Variants in UPP2 observed in about 807,000 individuals in gnomAD.
UPP2 encodes uridine phosphorylase 2, also known as UPase 2.
UPP2 carries 23 observed loss-of-function variants against 26.7 expected under a neutral mutation model. The ratio of observed to expected loss-of-function variants is 0.86; its 90% CI spans 0.62 to 1.22. The LOEUF is 1.22. UPP2 is among the 50% of genes most tolerant of loss of function. The pLI is 0.00. For missense variants in UPP2, 387 were observed against 396.7 expected (o/e 0.98, Z 0.21); for synonymous variants, 127 against 141.3 (o/e 0.90, Z 0.72).
At chr2:158,124,624 C>T (rs371040253) in intron 6 of UPP2, among the ~76,000 whole-genome samples, 19 of 152,258 alleles carry the variant, frequency 1.2e-4, no homozygotes, top group African/African-American at 4.1e-4. Flanking sequence ...AGAAGGCGAA[C>T]GCAGTAGTCT....
At chr2:158,090,665 C>G (rs1302834143) in intron 3 of UPP2, among the ~76,000 whole-genome samples, 2 of 151,784 alleles carry the variant, frequency 1.3e-5, no homozygotes, top group Non-Finnish European at 2.9e-5. Context: ...CATCTGCCAG[C>G]AGCACGGCCA....
chr2:158,017,870 CTAT>C (rs1330340903), intron 3 of UPP2, among the ~76,000 whole-genome samples: 1 of 152,154 alleles, frequency 6.6e-6, no homozygotes, highest in Non-Finnish European at 1.5e-5. Context: ...AATTCATTTT[CTAT>C]TATTCTTTGT....
chr2:158,006,846 A>G (rs1210004118), intron 2 of UPP2, among the ~76,000 whole-genome samples: 1 of 152,178 alleles, frequency 6.6e-6, no homozygotes, highest in Non-Finnish European at 1.5e-5. Flanking sequence ...GCTGTTACAA[A>G]TGACTGGATT....
chr2:158,099,548 G>A (rs147721508), upstream of UPP2, among the ~76,000 whole-genome samples: 164 of 152,276 alleles, frequency 1.1e-3, no homozygotes, highest in African/African-American at 3.8e-3. Context: ...GGTGCCTGCT[G>A]CAGCCTCAGG....
chr2:158,056,664 C>A (rs1018048988), intron 3 of UPP2, among the ~76,000 whole-genome samples: 2 of 152,136 alleles, frequency 1.3e-5, no homozygotes, highest in African/African-American at 4.8e-5. Context: ...CTGCCTTCAC[C>A]GTCAAATGGC....
rs747284053 is a variant in UPP2, at chr2:158,115,194, A to C, written c.274A>C (p.Lys92Gln). 1 of 1,613,784 alleles carries C rather than the reference A, an allele frequency of 6.2e-7. No homozygotes were observed. The highest frequency in any genetic ancestry group is 2.2e-5 in the East Asian group (1 of 44,864). ...GTTTGAGGAAGCTGAAGAAGACATAAAAGACATCTGTGCTGGGACAGACAG... is the reference window on the plus strand; with the variant it reads ...GTTTGAGGAAGCTGAAGAAGACATACAAGACATCTGTGCTGGGACAGACAG... Reference protein sequence around the residue: ...LGFEEAEEDIKDICAGTDRYC... With the variant: ...LGFEEAEEDIQDICAGTDRYC... The change falls in exon 3 of 7, where the codon AAA becomes CAA. Residue 92 changes from lysine (K) to glutamine (Q), a missense_variant. Physicochemically the swap from Lys to Gln is moderately conservative, Grantham distance 53. Coordinates refer to ENST00000005756, the MANE Select transcript of UPP2 (RefSeq NM_173355.4).
intron 3 of UPP2, among the ~76,000 whole-genome samples, chr2:158,070,900 G>A (rs1682528117): frequency 6.6e-6 from 1 of 152,130 alleles, no homozygotes; most frequent in South Asian, 2.1e-4. Flanking sequence ...ACTTGATATT[G>A]AACTCAGTGC....
chr2:158,056,833 G>A (rs1682253676), intron 3 of UPP2, among the ~76,000 whole-genome samples: 1 of 152,186 alleles, frequency 6.6e-6, no homozygotes. Flanking sequence ...CTGGGAGCTA[G>A]AATGTCAACA....
intron 4 of UPP2, among the ~76,000 whole-genome samples, chr2:158,119,803 A>G (rs1185412909): frequency 6.6e-6 from 1 of 151,844 alleles, no homozygotes; most frequent in Non-Finnish European, 1.5e-5. Flanking sequence ...TGAGGCCAGG[A>G]GTTTGAGACC....
chr2:158,073,755 A>G (rs1682581797), intron 3 of UPP2, among the ~76,000 whole-genome samples: 1 of 152,222 alleles, frequency 6.6e-6, no homozygotes, highest in South Asian at 2.1e-4. Context: ...TTCAAGCATG[A>G]AAGAGAAATA....
At chr2:158,105,815 C>G (rs968528534) in intron 1 of UPP2, among the ~76,000 whole-genome samples, 2 of 152,186 alleles carry the variant, frequency 1.3e-5, no homozygotes, top group Non-Finnish European at 2.9e-5. Context: ...TTCTGTAAGC[C>G]TTGGCTTCTT....
chr2:158,031,658 A>G (rs1683923168), intron 3 of UPP2, among the ~76,000 whole-genome samples: 1 of 152,228 alleles, frequency 6.6e-6, no homozygotes, highest in South Asian at 2.1e-4. Context: ...TTGGTAACAC[A>G]TAAAGCTGTT....
intron 6 of UPP2, among the ~76,000 whole-genome samples, chr2:158,130,461 A>AAC (rs1192290239): frequency 1.4e-5 from 1 of 70,336 alleles, no homozygotes; most frequent in Non-Finnish European, 3.0e-5. Context: ...AAAAAAAAAA[A>AAC]CAAAAAAAAA....
intron 2 of UPP2, among the ~76,000 whole-genome samples, chr2:158,015,345 T>C (rs894725309): frequency 6.6e-6 from 1 of 152,244 alleles, no homozygotes; most frequent in African/African-American, 2.4e-5. Context: ...TTGATCTTTT[T>C]TTGTGACTGG....
intron 2 of UPP2, among the ~76,000 whole-genome samples, chr2:158,013,357 G>A (rs1016801744): frequency 2.0e-5 from 3 of 152,154 alleles, no homozygotes; most frequent in Non-Finnish European, 2.9e-5. Flanking sequence ...ATGCATTAAA[G>A]GGGCATTATA....
chr2:158,078,025 G>GA (rs1682658393), intron 3 of UPP2, among the ~76,000 whole-genome samples: 1 of 151,982 alleles, frequency 6.6e-6, no homozygotes. Context: ...ACAGGCATAT[G>GA]AAAAAATGCT....
intron 2 of UPP2, among the ~76,000 whole-genome samples, chr2:158,008,522 C>T (rs919414630): frequency 1.3e-5 from 2 of 152,166 alleles, no homozygotes; most frequent in African/African-American, 4.8e-5. Context: ...TGAGGCTTTA[C>T]TCAATAAAAT....
chr2:158,041,494 T>A (rs1684080991), intron 3 of UPP2, among the ~76,000 whole-genome samples: 1 of 152,198 alleles, frequency 6.6e-6, no homozygotes, highest in Admixed American at 6.5e-5. Context: ...GATATTCAGA[T>A]CACTCTCTTT....
chr2:158,134,009 A>G (rs576851475), intron 6 of UPP2: 1 of 152,358 alleles, frequency 6.6e-6, no homozygotes, highest in African/African-American at 2.4e-5. Flanking sequence ...TGATGAAACC[A>G]AAGACATTGC....
Sources: allele counts gnomAD v4.1 joint callset (sites outside exome capture counted in the v4.1 genomes callset), GRCh38; gene constraint gnomAD v4.1.1; transcripts MANE v1.5; gene names NCBI Gene and HGNC (gene_info 2026-07-23, HGNC 2026-07-21).